EDNRA: variants seen among roughly 807,000 people sequenced by gnomAD.
EDNRA encodes the protein endothelin receptor type A.
In EDNRA, 11 loss-of-function variants were observed where a neutral mutation model predicts 41.4. The ratio of observed to expected loss-of-function variants is 0.27; its 90% CI spans 0.17 to 0.44. The LOEUF (loss-of-function observed/expected upper bound fraction) is 0.44. Among genes scored for constraint, EDNRA ranks in the 20% least tolerant of loss-of-function variants. EDNRA has a pLI of 1.00. For missense variants in EDNRA, 294 were observed against 531.0 expected, an observed-to-expected ratio of 0.55 and a Z score of 4.39; for synonymous variants, 172 against 183.0, an observed-to-expected ratio of 0.94 and a Z score of 0.49.
chr4:147,529,215 G>C (rs1312940325), intron 3 of EDNRA, among the ~76,000 whole-genome samples: 4 of 152,174 alleles, frequency 2.6e-5, no homozygotes, highest in African/African-American at 9.7e-5. Context: ...CTGCAGAAAG[G>C]TTTAGCCACA....
rs1560922177 is a variant in EDNRA at position 147,542,806 on chromosome 4, CT to C, written c.*190del. ...CCACCCACAACATCTACGAATCGTACTTCTTTAATTGATCTAATTTACATAT... is the reference window on the plus strand; with the variant it reads ...CCACCCACAACATCTACGAATCGTACTCTTTAATTGATCTAATTTACATAT... On this transcript the variant is annotated 3_prime_UTR_variant, in exon 8 of 8. Coordinates refer to ENST00000651419, the MANE Select transcript of EDNRA (RefSeq NM_001957.4). The C allele has an allele frequency of 4.7e-6, 3 of 640,696 alleles. No homozygotes were observed. Among genetic ancestry groups the C allele is most frequent in the Non-Finnish European group, 7.6e-6 (3 of 393,032 alleles). 39.7% of individuals were successfully genotyped at this position (640,696 alleles called of 1,614,324 possible). A position where few individuals can be genotyped will look rare whatever the true frequency, so the allele number is the denominator to read the frequency against.
chr4:147,523,562 C>T (rs1021690514), intron 3 of EDNRA, among the ~76,000 whole-genome samples: 2 of 150,248 alleles, frequency 1.3e-5, no homozygotes, highest in African/African-American at 4.9e-5. Flanking sequence ...TTGATCTCGG[C>T]TCACTGCAAG....
chr4:147,519,554 T>A lies in EDNRA; in HGVS notation c.421-297T>A, dbSNP rs1730240955. On this transcript the variant is annotated intron_variant, in intron 2 of 7. Coordinates refer to ENST00000651419, the MANE Select transcript of EDNRA (RefSeq NM_001957.4). This position sits in a 1 kb window ranked among gnomAD's most constrained non-coding sequence, Gnocchi z 4.1. ...ATAACTATAATATATTTAATATATA[T>A]GTATTATATTAATACACTATATTGA... is the stretch of plus-strand genomic sequence containing the variant. 6.7e-6 allele frequency among the ~76,000 whole-genome samples: 1 copy of A among 148,936 alleles called. No individual in the cohort carries two copies. The highest frequency in any genetic ancestry group is 1.5e-5 in the Non-Finnish European group (1 of 67,400).
chr4:147,523,665 T>A (rs756257637), intron 3 of EDNRA, among the ~76,000 whole-genome samples: 18 of 152,056 alleles, frequency 1.2e-4, no homozygotes, highest in Non-Finnish European at 2.5e-4. Context: ...TTATTTTTTG[T>A]ATTTTTAGTA....
intron 4 of EDNRA, among the ~76,000 whole-genome samples, chr4:147,534,579 A>G (rs1001285831): frequency 2.6e-5 from 4 of 152,216 alleles, no homozygotes; most frequent in Non-Finnish European, 5.9e-5. Context: ...AAAATAGCAG[A>G]CATTTTCATA....
intron 5 of EDNRA, 139 bp downstream of exon 5, chr4:147,536,168 T>A: frequency 9.3e-7 from 1 of 1,078,794 alleles, no homozygotes; most frequent in Non-Finnish European, 1.3e-6. Flanking sequence ...TTCTTTATAG[T>A]AATAGTGTTA....
At chr4:147,493,635 A>G (rs1729213388) in intron 2 of EDNRA, 1 of 152,178 alleles carries the variant, frequency 6.6e-6, no homozygotes, top group Admixed American at 6.5e-5. Flanking sequence ...ATTCTTAACT[A>G]GGTCTAGTTT....
rs1731190386 is a variant in EDNRA, at chr4:147,543,645, T to G, written c.*1027T>G. Reference sequence around the variant, plus strand: ...GAAATTTTCATTCAGGTATTTGTAATAGTGACATATATATGTATATACATA... The same window carrying G: ...GAAATTTTCATTCAGGTATTTGTAAGAGTGACATATATATGTATATACATA... On this transcript the variant is annotated 3_prime_UTR_variant, in exon 8 of 8. Transcript: ENST00000651419. 6.6e-6 allele frequency: 1 copy of G among 152,314 alleles called. No homozygotes were observed. Among genetic ancestry groups the G allele is most frequent in the Non-Finnish European group, 1.5e-5 (1 of 68,040 alleles). 9.4% of individuals were successfully genotyped at this position (152,314 alleles called of 1,614,324 possible). A position where few individuals can be genotyped will look rare whatever the true frequency, so the allele number is the denominator to read the frequency against.
intron 4 of EDNRA, 151 bp from the exon 5 acceptor site, chr4:147,535,726 C>A: frequency 2.3e-6 from 2 of 858,594 alleles, no homozygotes; most frequent in Non-Finnish European, 3.5e-6. Context: ...GAGTTTTGAG[C>A]CCCACTCCCA....
intron 2 of EDNRA, chr4:147,494,543 C>A: frequency 6.5e-6 from 1 of 152,772 alleles, no homozygotes; most frequent in Non-Finnish European, 1.5e-5. Context: ...GCAAGGAGGC[C>A]ATCGTGGTTG....
At chr4:147,541,042 T>C (rs1001161612) in intron 7 of EDNRA, among the ~76,000 whole-genome samples, 2 of 115,826 alleles carry the variant, frequency 1.7e-5, no homozygotes, top group Non-Finnish European at 3.2e-5. Context: ...CACTCCAGCC[T>C]GGGCGACAGA....
intron 2 of EDNRA, among the ~76,000 whole-genome samples, chr4:147,501,220 C>A (rs1303800358): frequency 6.6e-6 from 1 of 152,146 alleles, no homozygotes; most frequent in Non-Finnish European, 1.5e-5. Flanking sequence ...AAAGTAAGTG[C>A]CTGAGGGCTC....
chr4:147,508,559 C>T lies in EDNRA; in HGVS notation c.421-11292C>T, dbSNP rs375786251. ...AACCCAAGATCACAAAGAATTTCTC[C>T]TATGTTTTCTTTGAACAGTTTTAGA... is the stretch of plus-strand genomic sequence containing the variant. On this transcript the variant is annotated intron_variant, in intron 2 of 7. Coordinates refer to ENST00000651419, the MANE Select transcript of EDNRA (RefSeq NM_001957.4). Among the ~76,000 whole-genome samples, 4 of 152,262 alleles carry T rather than the reference C, an allele frequency of 2.6e-5. No individual in the cohort carries two copies. The South Asian group carries it at 6.2e-4, about 24-fold the overall frequency.
chr4:147,501,914 G>A (rs1010952309), intron 2 of EDNRA, among the ~76,000 whole-genome samples: 1 of 152,122 alleles, frequency 6.6e-6, no homozygotes, highest in African/African-American at 2.4e-5. Context: ...GTATTACTTT[G>A]ATATAAATTG....
intron 3 of EDNRA, among the ~76,000 whole-genome samples, chr4:147,529,948 A>AT (rs1448364811): frequency 2.0e-5 from 3 of 152,130 alleles, no homozygotes; most frequent in Admixed American, 1.3e-4. Flanking sequence ...AAATATTCTA[A>AT]TTTTCAGTGA....
At chr4:147,509,616 A>C (rs1269982526) in intron 2 of EDNRA, among the ~76,000 whole-genome samples, 6 of 152,230 alleles carry the variant, frequency 3.9e-5, no homozygotes, top group Non-Finnish European at 7.4e-5. Flanking sequence ...CACTCGCATT[A>C]CCTCATGAGC....
At chr4:147,490,048 GT>G in intron 2 of EDNRA, 1 of 151,928 alleles carries the variant, frequency 6.6e-6, no homozygotes, top group Non-Finnish European at 1.5e-5. Flanking sequence ...ACAGATCCTA[GT>G]TTGAAAAATG....
At chr4:147,536,543 G>A (rs1730927795) in intron 5 of EDNRA, among the ~76,000 whole-genome samples, 1 of 152,164 alleles carries the variant, frequency 6.6e-6, no homozygotes, top group African/African-American at 2.4e-5. Context: ...AGGATAAGTG[G>A]GATTTGATGG....
rs1730239377 is a variant in EDNRA, at chr4:147,519,527, ATATAAC to A, written c.421-318_421-313del. Among the ~76,000 whole-genome samples the A allele has an allele frequency of 6.7e-6, 1 of 149,398 alleles. No individual in the cohort carries two copies. The highest frequency in any genetic ancestry group is 1.5e-5 in the Non-Finnish European group (1 of 67,466). ...ATCTCTTCTGTTATTAAATTGTATT[ATATAAC>A]TATAATATATTTAATATATATGTAT... On this transcript the variant is annotated intron_variant, in intron 2 of 7. Coordinates refer to ENST00000651419, the MANE Select transcript of EDNRA (RefSeq NM_001957.4). The surrounding 1 kb of genome is among the most constrained non-coding windows in gnomAD (Gnocchi z 4.1).
Sources: gnomAD v4.1 joint callset for allele counts (sites outside exome capture counted in the v4.1 genomes callset) on GRCh38, gnomAD v4.1.1 for gene constraint, Gnocchi (gnomAD v3.1) non-coding constraint, MANE v1.5 for transcripts, NCBI Gene and HGNC (gene_info 2026-07-23, HGNC 2026-07-21) for gene names.